Variants in ELAC2 observed in about 807,000 individuals in gnomAD.
ELAC2 encodes elaC ribonuclease Z 2, also known as zinc phosphodiesterase ELAC protein 2.
A neutral mutation model predicts 105.2 loss-of-function variants in ELAC2; 92 were observed. That is an observed-to-expected ratio of 0.87 (90% CI 0.74 to 1.04). The LOEUF is 1.04. Among genes scored for constraint, ELAC2 ranks in the 50% least tolerant of loss-of-function variants. The pLI, the probability that ELAC2 is intolerant of heterozygous loss-of-function variation, is 0.00. For synonymous variants in ELAC2, 468 were observed against 409.1 expected (o/e 1.14, Z -1.74); for missense variants, 1,099 against 1,071.7 (o/e 1.03, Z -0.36).
intron 8 of ELAC2, among the ~76,000 whole-genome samples, chr17:13,009,447 A>G (rs2041290495): frequency 6.6e-6 from 1 of 152,262 alleles, no homozygotes; most frequent in Non-Finnish European, 1.5e-5. Flanking sequence ...GTCAGATCTT[A>G]CAAACAGCTT....
chr17:13,013,224 T>C lies in ELAC2; in HGVS notation c.542A>G (p.Tyr181Cys), dbSNP rs1227338742. The change falls in exon 6 of 24, where the codon TAC (tyrosine) becomes TGC (cysteine). Residue 181 changes from tyrosine to cysteine, a missense_variant. Transcript: ENST00000338034. ...ATACTCACTGTGTATGGGGATCTGG[T>C]AAACTGTCATGGTTTCATCCTCGTA... ...PEYEDETMTVYQIPIHSEQRR... is the reference protein window; with the variant it reads ...PEYEDETMTVCQIPIHSEQRR... 6.2e-7 allele frequency: 1 copy of C among 1,614,194 alleles called. No homozygotes were observed. The highest frequency in any genetic ancestry group is 8.5e-7 in the Non-Finnish European group (1 of 1,180,030).
At chr17:13,014,547 C>A in intron 4 of ELAC2, 51 bp from the exon 5 acceptor site, 1 of 1,306,130 alleles carries the variant, frequency 7.7e-7, no homozygotes, top group Non-Finnish European at 1.1e-6. Flanking sequence ...ATGTAGAACA[C>A]AGCAACTATT....
At chr17:12,996,722 G>C in intron 16 of ELAC2, 37 bp from the exon 17 acceptor site, 1 of 1,607,246 alleles carries the variant, frequency 6.2e-7, no homozygotes, top group Non-Finnish European at 8.5e-7. Context: ...ACTGCCACTA[G>C]GAAGACTGCT....
intron 5 of ELAC2, among the ~76,000 whole-genome samples, 192 bp downstream of exon 5, chr17:13,014,247 C>G (rs189156014): frequency 8.9e-5 from 12 of 134,402 alleles, no homozygotes; most frequent in Admixed American, 7.5e-4. Context: ...GAGCCGAGAT[C>G]ATGCCACTGC....
rs1555570406 is a variant in ELAC2, at chr17:12,991,869, T to TTAC, written c.*948_*949insGTA. Among the ~76,000 whole-genome samples, 4 of 127,348 alleles carry TTAC rather than the reference T, an allele frequency of 3.1e-5. No homozygotes were observed. The East Asian group carries it at 7.8e-4, about 25-fold the overall frequency. 83.5% of individuals were successfully genotyped at this position (127,348 alleles called of 152,430 possible). ...TCAACTTACTTACTTACTTACTTACTTTACTTACTTACTTCCTTGGAAAAT... is the reference window on the plus strand; with the variant it reads ...TCAACTTACTTACTTACTTACTTACTTACTTACTTACTTACTTCCTTGGAAAAT... On this transcript the variant is annotated 3_prime_UTR_variant, in exon 24 of 24. Coordinates refer to ENST00000338034, the MANE Select transcript of ELAC2 (RefSeq NM_018127.7).
Position 12,995,983 on chromosome 17 carries a change from CA to C in ELAC2, c.1660-6del. The C allele has an allele frequency of 6.3e-7, 1 of 1,593,184 alleles. No individual in the cohort carries two copies. On this transcript the variant is annotated splice_polypyrimidine_tract_variant and splice_region_variant and intron_variant, in intron 17 of 23. Transcript: ENST00000338034. ...CAGCAAGATACTTGGCAAGCCCTGG[CA>C]AGGAAACAGGAGACATGCGTCAGCC...
In ELAC2 at chr17:12,995,196, T is replaced by G. The variant is rs1160317384; in HGVS notation, c.1809-134A>C. The G allele has an allele frequency of 4.2e-5, 41 of 977,048 alleles. 1 individual carries two copies. The highest frequency in any genetic ancestry group is 2.2e-4 in the South Asian group (16 of 73,562). The allele number at this position is 977,048 out of a possible 1,614,324, so 60.5% of individuals were successfully genotyped here. On this transcript the variant is annotated intron_variant, in intron 19 of 23. Transcript: ENST00000338034. Reference sequence around the variant, plus strand: ...ATGAGTTAAATCATAGTCACTATGATGAGGAAACAGCAGTCAAATATAAAG... The same window carrying G: ...ATGAGTTAAATCATAGTCACTATGAGGAGGAAACAGCAGTCAAATATAAAG...
Position 12,993,769 on chromosome 17 carries a change from TG to T in ELAC2, c.2170del (p.His724ThrfsTer27), listed in dbSNP as rs745713115. On this transcript the variant is annotated frameshift_variant, in exon 23 of 24. Coordinates refer to ENST00000338034, the MANE Select transcript of ELAC2 (RefSeq NM_018127.7). LOFTEE classifies it high-confidence loss of function. ...RMNAEFIMLNHFSQRYAKVPL... is the reference protein window; with the variant it reads ...RMNAEFIMLNXFSQRYAKVPL... ...GACCTTGGCATAGCGCTGGCTGAAG[TG>T]GTTCAGCATAATGAACTCCGCGTTC... 3 of 1,614,124 alleles carry T rather than the reference TG, an allele frequency of 1.9e-6. No homozygotes were observed. In the South Asian group the frequency reaches 3.3e-5, roughly 18 times the overall value.
At chr17:12,994,658 A>T in intron 21 of ELAC2, 106 bp downstream of exon 21, 1 of 1,606,764 alleles carries the variant, frequency 6.2e-7, no homozygotes, top group Non-Finnish European at 8.5e-7. Context: ...TGGGGACCTG[A>T]GTCTCCTGCC....
chr17:13,015,860 C>T, intron 3 of ELAC2, 28 bp from the exon 4 acceptor site: 1 of 1,592,834 alleles, frequency 6.3e-7, no homozygotes, highest in Non-Finnish European at 8.6e-7. Flanking sequence ...AATCAGATCT[C>T]TCATCAATTT....
intron 7 of ELAC2, 104 bp downstream of exon 7, chr17:13,011,559 A>G: frequency 6.3e-7 from 1 of 1,579,730 alleles, no homozygotes; most frequent in East Asian, 2.2e-5. Context: ...GGATCTGTTT[A>G]CACACCTGGC....
chr17:13,007,597 G>C (rs2041179408), intron 8 of ELAC2, among the ~76,000 whole-genome samples: 1 of 152,258 alleles, frequency 6.6e-6, no homozygotes, highest in Non-Finnish European at 1.5e-5. Flanking sequence ...GGTACTTGCT[G>C]TTGGGGGCAG....
Position 13,017,055 on chromosome 17 carries a change from C to T in ELAC2, c.296+16G>A, listed in dbSNP as rs745675687. On this transcript the variant is annotated intron_variant, in intron 2 of 23. Coordinates refer to ENST00000338034, the MANE Select transcript of ELAC2 (RefSeq NM_018127.7). ...CCGTAATCAACTCCCCCTCCGAAAG[C>T]AAGAGACTGACTCACTTGTGCTCCT... 1 of 1,614,084 alleles carries T rather than the reference C, an allele frequency of 6.2e-7. No homozygotes were observed. The highest frequency in any genetic ancestry group is 1.1e-5 in the South Asian group (1 of 91,086).
At chr17:13,001,423 C>T (rs868852151) in intron 14 of ELAC2, among the ~76,000 whole-genome samples, 5 of 152,030 alleles carry the variant, frequency 3.3e-5, no homozygotes, top group Admixed American at 1.3e-4. Flanking sequence ...ACCCGGGAGG[C>T]GGAGGTTGCA....
chr17:13,014,646 G>A (rs1696607086), intron 4 of ELAC2, 150 bp from the exon 5 acceptor site: 1 of 704,758 alleles, frequency 1.4e-6, no homozygotes, highest in Admixed American at 2.1e-5. Flanking sequence ...TATTTACTGA[G>A]TATCCATTAT....
intron 12 of ELAC2, chr17:13,002,822 A>T (rs2040892443): frequency 5.0e-6 from 3 of 598,596 alleles, no homozygotes; most frequent in East Asian, 3.0e-5. Context: ...AAGAAAAAGA[A>T]GATGTCCAGG....
intron 5 of ELAC2, 126 bp downstream of exon 5, chr17:13,014,313 A>AAAAC: frequency 1.4e-6 from 1 of 701,032 alleles, no homozygotes. Flanking sequence ...AAAAAAAAAA[A>AAAAC]TCTCGTGGTG....
rs2143696425 is a variant in ELAC2 at position 13,017,713 on chromosome 17, C to T, written c.235G>A (p.Glu79Lys). Residue 79 changes from glutamate to lysine, a missense_variant, in exon 1 of 24, where the codon GAG (glutamate) becomes AAG (lysine). Transcript: ENST00000338034. ...DSGAALYVFS[E>K]FNRYLFNCGE... ...GGCTCGTTGACTGACCGGTTGAACTCGGAGAAGACGTAGAGCGCGGCGCCC... is the reference window on the plus strand; with the variant it reads ...GGCTCGTTGACTGACCGGTTGAACTTGGAGAAGACGTAGAGCGCGGCGCCC... The T allele has an allele frequency of 6.2e-7, 1 of 1,613,054 alleles. No homozygotes were observed. The highest frequency in any genetic ancestry group is 8.5e-7 in the Non-Finnish European group (1 of 1,179,760).
chr17:12,995,843 C>A (rs369623673), intron 18 of ELAC2, 31 bp from the exon 19 acceptor site: 1 of 1,592,658 alleles, frequency 6.3e-7, no homozygotes, highest in African/African-American at 1.3e-5. Context: ...GCCGACTCGA[C>A]GACAGAACAT....
Sources: gnomAD v4.1 joint callset for allele counts (sites outside exome capture counted in the v4.1 genomes callset) on GRCh38, gnomAD v4.1.1 for gene constraint, MANE v1.5 for transcripts, NCBI Gene and HGNC (gene_info 2026-07-23, HGNC 2026-07-21) for gene names.